PAK1: variants seen among roughly 807,000 people sequenced by gnomAD.
PAK1 encodes the protein serine/threonine-protein kinase PAK 1.
A neutral mutation model predicts 67.4 loss-of-function variants in PAK1; 29 were observed. The observed-to-expected ratio is 0.43, with a 90% CI of 0.32 to 0.59. The LOEUF is 0.59. Among genes scored for constraint, PAK1 ranks in the 20% least tolerant of loss-of-function variants. The pLI is 0.07. For missense variants in PAK1, 337 were observed against 670.7 expected, an observed-to-expected ratio of 0.50 and a Z score of 5.50; for synonymous variants, 223 against 237.4, an observed-to-expected ratio of 0.94 and a Z score of 0.56.
intron 1 of PAK1, among the ~76,000 whole-genome samples, chr11:77,471,842 A>G (rs1488999413): frequency 6.6e-6 from 1 of 152,206 alleles, no homozygotes; most frequent in African/African-American, 2.4e-5. Flanking sequence ...TGTGCTTAGT[A>G]AATGTATATT....
At chr11:77,483,208 A>AC in the PAK1 span, among the ~76,000 whole-genome samples, 1 of 151,986 alleles carries the variant, frequency 6.6e-6, no homozygotes, top group East Asian at 1.9e-4. Flanking sequence ...AAAAAAAAAA[A>AC]AAAAAGAATA....
intron 1 of PAK1, among the ~76,000 whole-genome samples, chr11:77,472,051 A>G (rs1174547959): frequency 1.3e-5 from 2 of 152,168 alleles, no homozygotes; most frequent in Non-Finnish European, 2.9e-5. Context: ...TACCTCACCC[A>G]TTAGACTTTG....
chr11:77,380,897 G>A (rs1247503788), intron 2 of PAK1, among the ~76,000 whole-genome samples: 1 of 152,046 alleles, frequency 6.6e-6, no homozygotes, highest in Non-Finnish European at 1.5e-5. Flanking sequence ...TTCTCTCCAG[G>A]GCAGGAATAA....
intron 1 of PAK1, among the ~76,000 whole-genome samples, chr11:77,462,997 G>C (rs1371394432): frequency 1.3e-5 from 2 of 148,154 alleles, no homozygotes; most frequent in Non-Finnish European, 3.0e-5. Context: ...GGTGGGGGTG[G>C]GGTGGGGGGG....
intron 5 of PAK1, among the ~76,000 whole-genome samples, chr11:77,360,014 G>C (rs942253105): frequency 3.3e-5 from 5 of 152,110 alleles, no homozygotes; most frequent in Non-Finnish European, 2.9e-5. Context: ...AGATGAAAAA[G>C]ATGGTCCATG....
intron 1 of PAK1, among the ~76,000 whole-genome samples, chr11:77,432,936 C>G (rs1223035678): frequency 6.6e-6 from 1 of 151,754 alleles, no homozygotes; most frequent in Non-Finnish European, 1.5e-5. Context: ...TTCCCAATTT[C>G]AAAACTTGAT....
chr11:77,349,180 T>G, intron 9 of PAK1, 59 bp downstream of exon 9: 1 of 1,254,920 alleles, frequency 8.0e-7, no homozygotes, highest in East Asian at 2.5e-5. Flanking sequence ...GGGCTAAAAA[T>G]TAATCCCAAA....
chr11:77,332,588 G>A (rs1349181014), intron 14 of PAK1, 142 bp downstream of exon 14: 1 of 669,900 alleles, frequency 1.5e-6, no homozygotes, highest in East Asian at 2.5e-5. Context: ...GGGATAAAAG[G>A]GCAGTAGGAA....
chr11:77,365,310 T>C (rs1388170382), intron 5 of PAK1, among the ~76,000 whole-genome samples: 7 of 122,388 alleles, frequency 5.7e-5, no homozygotes, highest in Middle Eastern at 9.0e-3. Flanking sequence ...AATTATCTAA[T>C]ATAAAGAACT....
At chr11:77,484,099 G>C in the PAK1 span, among the ~76,000 whole-genome samples, 3 of 151,902 alleles carry the variant, frequency 2.0e-5, no homozygotes, top group African/African-American at 7.3e-5. Context: ...TGGGAGTGTA[G>C]GGTGCCATAG....
At chr11:77,447,956 A>G (rs1956690500) in intron 1 of PAK1, among the ~76,000 whole-genome samples, 1 of 152,200 alleles carries the variant, frequency 6.6e-6, no homozygotes, top group African/African-American at 2.4e-5. Flanking sequence ...TCATTCCACC[A>G]CACTCCCATT....
At chr11:77,358,750 T>G (rs1276087944) in intron 6 of PAK1, 148 bp downstream of exon 6, 1 of 754,260 alleles carries the variant, frequency 1.3e-6, no homozygotes, top group Non-Finnish European at 2.2e-6. Flanking sequence ...AGAAAGTACC[T>G]TTAGTCAAGG....
intron 1 of PAK1, among the ~76,000 whole-genome samples, chr11:77,470,785 T>A (rs564507558): frequency 1.6e-4 from 25 of 152,306 alleles, no homozygotes; most frequent in African/African-American, 5.5e-4. Flanking sequence ...AAAACCAACT[T>A]GCAAATTCAA....
At chr11:77,501,156 AAAAAACAAAAAAC>A in the PAK1 span, among the ~76,000 whole-genome samples, 2 of 58,072 alleles carry the variant, frequency 3.4e-5, no homozygotes, top group African/African-American at 4.5e-5. Context: ...GTCTCAAAAA[AAAAAACAAAAAAC>A]AAAAAACAAA....
the PAK1 span, among the ~76,000 whole-genome samples, chr11:77,522,827 C>T: frequency 1.3e-5 from 2 of 152,112 alleles, no homozygotes; most frequent in Non-Finnish European, 1.5e-5. Context: ...ACCTAGGTGC[C>T]CATCAATGGT....
the PAK1 span, among the ~76,000 whole-genome samples, chr11:77,503,962 A>G: frequency 1.5e-4 from 23 of 152,074 alleles, 1 homozygote; most frequent in Non-Finnish European, 2.6e-4. Context: ...CGCGATCTCA[A>G]CTCATTGCAG....
At chr11:77,507,247 G>C in the PAK1 span, among the ~76,000 whole-genome samples, 1 of 152,150 alleles carries the variant, frequency 6.6e-6, no homozygotes, top group African/African-American at 2.4e-5. Context: ...TGAGTGGCCA[G>C]AGATGGGGAG....
intron 2 of PAK1, among the ~76,000 whole-genome samples, chr11:77,380,330 C>T (rs1164752193): frequency 6.6e-6 from 1 of 151,976 alleles, no homozygotes; most frequent in South Asian, 2.1e-4. Flanking sequence ...CCTGTCTCTG[C>T]AAAAATACAA....
At chr11:77,481,100 A>G in the PAK1 span, among the ~76,000 whole-genome samples, 1 of 152,230 alleles carries the variant, frequency 6.6e-6, no homozygotes, top group South Asian at 2.1e-4. Context: ...CATATTCTCT[A>G]TTTGTTGGAT....
Sources: gnomAD v4.1 joint callset for allele counts (sites outside exome capture counted in the v4.1 genomes callset) on GRCh38, gnomAD v4.1.1 for gene constraint, MANE v1.5 for transcripts, NCBI Gene and HGNC (gene_info 2026-07-23, HGNC 2026-07-21) for gene names.